SEMA6D: variants seen among roughly 807,000 people sequenced by gnomAD.
The protein encoded by SEMA6D is semaphorin 6D.
In SEMA6D, 35 loss-of-function variants were observed where a neutral mutation model predicts 106.6. That is an observed-to-expected ratio of 0.33 (90% confidence interval 0.25 to 0.44). The LOEUF (loss-of-function observed/expected upper bound fraction) is 0.44. SEMA6D is among the 20% of genes least tolerant of loss of function. The probability of loss-of-function intolerance (pLI) is 1.00; values close to 1 mark genes in which losing one functional copy is unlikely to be tolerated. For synonymous variants in SEMA6D, 499 were observed against 487.7 expected (o/e 1.02, Z -0.31); for missense variants, 1,185 against 1,345.9 (o/e 0.88, Z 1.87).
At chr15:47,449,015 T>G (rs1991208) in intron 2 of SEMA6D, among the ~76,000 whole-genome samples, 73,109 of 151,826 alleles carry the variant, frequency 0.48, 18,962 homozygotes, top group African/African-American at 0.69. Flanking sequence ...GCTAACATAT[T>G]TCACCATGGC....
intron 1 of SEMA6D, among the ~76,000 whole-genome samples, chr15:47,223,132 A>T (rs142631688): frequency 1.3e-5 from 2 of 150,266 alleles, no homozygotes; most frequent in African/African-American, 4.8e-5. Context: ...GACACACCAT[A>T]GTGCTGACCA....
At chr15:47,540,488 C>T (rs1201510731) in intron 3 of SEMA6D, among the ~76,000 whole-genome samples, 2 of 152,066 alleles carry the variant, frequency 1.3e-5, no homozygotes, top group South Asian at 4.2e-4. Flanking sequence ...TGAGTCTCTC[C>T]ATTTGTTCAG....
At chr15:47,212,863 C>T (rs771939603) in intron 1 of SEMA6D, among the ~76,000 whole-genome samples, 29 of 152,082 alleles carry the variant, frequency 1.9e-4, no homozygotes, top group Non-Finnish European at 4.0e-4. Flanking sequence ...AATAGCAGTT[C>T]CTGAGGCTGT....
intron 1 of SEMA6D, among the ~76,000 whole-genome samples, chr15:47,189,792 T>G (rs1893840375): frequency 6.6e-6 from 1 of 152,348 alleles, no homozygotes; most frequent in East Asian, 1.9e-4. Flanking sequence ...TCATTTAAAC[T>G]TGGCCTTTTA....
In SEMA6D at chr15:47,530,962, A is replaced by G. The variant is rs568271498; in HGVS notation, c.-87+60417A>G. Among the ~76,000 whole-genome samples the G allele has an allele frequency of 1.1e-3, 160 of 152,330 alleles. 1 individual carries two copies. The highest frequency in any genetic ancestry group is 3.5e-3 in the African/African-American group (147 of 41,578). ...TAACTCAGCACACTATCTGGCCAGAATAAGTATTCAATAATTGTTCATTAT... is the reference window on the plus strand; with the variant it reads ...TAACTCAGCACACTATCTGGCCAGAGTAAGTATTCAATAATTGTTCATTAT... On this transcript the variant is annotated intron_variant, in intron 3 of 19. Transcript: ENST00000558014.
intron 1 of SEMA6D, among the ~76,000 whole-genome samples, chr15:47,346,340 G>C (rs2038043424): frequency 1.3e-5 from 2 of 152,270 alleles, no homozygotes; most frequent in South Asian, 4.1e-4. Flanking sequence ...TTTTTGGCTT[G>C]GCAGTACCGG....
At chr15:47,195,832 A>G (rs774145909) in intron 1 of SEMA6D, among the ~76,000 whole-genome samples, 14 of 152,140 alleles carry the variant, frequency 9.2e-5, no homozygotes, top group Non-Finnish European at 1.6e-4. Flanking sequence ...TTGAAAGAAC[A>G]GAATGTGAGA....
chr15:47,356,910 G>A (rs735999), intron 1 of SEMA6D, among the ~76,000 whole-genome samples: 95,975 of 151,560 alleles, frequency 0.63, 31,419 homozygotes, highest in Non-Finnish European at 0.72. Flanking sequence ...TTATGCATAA[G>A]TGAGAATAGA....
At chr15:47,292,444 T>G (rs1407920276) in intron 1 of SEMA6D, among the ~76,000 whole-genome samples, 1 of 152,224 alleles carries the variant, frequency 6.6e-6, no homozygotes, top group African/African-American at 2.4e-5. Context: ...AAATGAGTTT[T>G]TTGTTTTCCT....
At chr15:47,504,105 C>G (rs1252358331) in intron 3 of SEMA6D, among the ~76,000 whole-genome samples, 1 of 152,230 alleles carries the variant, frequency 6.6e-6, no homozygotes, top group African/African-American at 2.4e-5. Context: ...GTGGCCTCTT[C>G]TTGGAAGTCC....
Position 47,336,123 on chromosome 15 carries a change from C to A in SEMA6D, c.-238-76270C>A, listed in dbSNP as rs545099338. ...GCTTTTTGCACAAGAAAGAGAAGTTCCTGGAACTGGAACAGAAAAATGTAA... is the reference window on the plus strand; with the variant it reads ...GCTTTTTGCACAAGAAAGAGAAGTTACTGGAACTGGAACAGAAAAATGTAA... On this transcript the variant is annotated intron_variant, in intron 1 of 19. Coordinates refer to the SEMA6D transcript ENST00000558014. 3.0e-4 allele frequency among the ~76,000 whole-genome samples: 46 copies of A among 152,246 alleles called. 1 individual carries two copies. Among genetic ancestry groups the A allele is most frequent in the South Asian group, 1.0e-3 (5 of 4,824 alleles).
At chr15:47,553,433 C>G (rs2045822955) in intron 3 of SEMA6D, among the ~76,000 whole-genome samples, 1 of 152,176 alleles carries the variant, frequency 6.6e-6, no homozygotes, top group Non-Finnish European at 1.5e-5. Context: ...CACCTTTTGC[C>G]CACACCCGCG....
intron 1 of SEMA6D, among the ~76,000 whole-genome samples, chr15:47,739,221 C>T (rs2080643464): frequency 6.6e-6 from 1 of 152,144 alleles, no homozygotes. Context: ...TATAAACTGC[C>T]ATACAGAATT....
chr15:47,272,400 G>T (rs1364488899), intron 1 of SEMA6D, among the ~76,000 whole-genome samples: 2 of 152,048 alleles, frequency 1.3e-5, no homozygotes, highest in African/African-American at 4.8e-5. Flanking sequence ...GAACAAGGCA[G>T]ATTCTGATCA....
chr15:47,211,574 A>G (rs898033971), intron 1 of SEMA6D, among the ~76,000 whole-genome samples: 3 of 152,200 alleles, frequency 2.0e-5, no homozygotes, highest in African/African-American at 7.2e-5. Context: ...TGTGGCATAA[A>G]TAATAATTAG....
chr15:47,193,671 A>T (rs1894125285), intron 1 of SEMA6D, among the ~76,000 whole-genome samples: 1 of 152,094 alleles, frequency 6.6e-6, no homozygotes, highest in Non-Finnish European at 1.5e-5. Context: ...ACAAAAACAA[A>T]ACAAAAAAAC....
At chr15:47,267,327 G>T (rs2034363987) in intron 1 of SEMA6D, among the ~76,000 whole-genome samples, 1 of 150,834 alleles carries the variant, frequency 6.6e-6, no homozygotes, top group Admixed American at 6.6e-5. Flanking sequence ...CTTTCTACTT[G>T]GAAGTAACTT....
chr15:47,257,658 T>C (rs1566955779), intron 1 of SEMA6D, among the ~76,000 whole-genome samples: 1 of 152,226 alleles, frequency 6.6e-6, no homozygotes, highest in Non-Finnish European at 1.5e-5. Context: ...ATTTCAATTC[T>C]GTTAAATTTG....
intron 1 of SEMA6D, among the ~76,000 whole-genome samples, chr15:47,273,285 T>C (rs552457870): frequency 1.3e-5 from 2 of 151,622 alleles, no homozygotes; most frequent in South Asian, 4.2e-4. Flanking sequence ...TCTTTTGTAC[T>C]TACAGTGCCC....
Sources: gnomAD v4.1 joint callset for allele counts (sites outside exome capture counted in the v4.1 genomes callset) on GRCh38, gnomAD v4.1.1 for gene constraint, MANE v1.5 for transcripts, NCBI Gene and HGNC (gene_info 2026-07-23, HGNC 2026-07-21) for gene names.